The following RANBP9 variants were observed in gnomAD, a reference collection of about 807,000 sequenced individuals.
RANBP9 encodes the protein RAN binding protein 9, also known as ran-binding protein 9.
RANBP9 carries 15 observed loss-of-function variants against 84.3 expected under a neutral mutation model. The observed-to-expected ratio is 0.18, with a 90% confidence interval of 0.12 to 0.27. The LOEUF is 0.27. Ranked by LOEUF, RANBP9 falls within the 10% of genes least tolerant of loss-of-function variation. RANBP9 has a pLI of 1.00. For synonymous variants in RANBP9, 392 were observed against 349.6 expected (o/e 1.12, Z -1.35); for missense variants, 809 against 912.8 (o/e 0.89, Z 1.46).
chr6:13,623,030 A>C (rs1764498305), intron 13 of RANBP9, among the ~76,000 whole-genome samples: 1 of 152,192 alleles, frequency 6.6e-6, no homozygotes, highest in Non-Finnish European at 1.5e-5. Context: ...AACATACAGC[A>C]GAGCCACCCC....
At chr6:13,623,410 GAA>G (rs1764513342) in intron 13 of RANBP9, among the ~76,000 whole-genome samples, 2 of 152,128 alleles carry the variant, frequency 1.3e-5, no homozygotes, top group Admixed American at 6.5e-5. Context: ...GTGGAAGAAA[GAA>G]GAGGAAATTT....
At chr6:13,632,007 C>T (rs866552385) in intron 12 of RANBP9, among the ~76,000 whole-genome samples, 14 of 151,974 alleles carry the variant, frequency 9.2e-5, no homozygotes, top group Admixed American at 8.5e-4. Context: ...TTTATCTGCA[C>T]GCCCACATTG....
chr6:13,639,584 CT>C lies in RANBP9; in HGVS notation c.1503del (p.Gly502GlufsTer16). 6.2e-7 allele frequency: 1 copy of C among 1,610,958 alleles called. No individual in the cohort carries two copies. The highest frequency in any genetic ancestry group is 8.5e-7 in the Non-Finnish European group (1 of 1,177,138). On this transcript the variant is annotated frameshift_variant, in exon 9 of 14. Coordinates refer to ENST00000011619, the MANE Select transcript of RANBP9 (RefSeq NM_005493.3). LOFTEE classifies it high-confidence loss of function. ...GMNIHNLASG[K>X]GSTAHFSGFE... Reference sequence around the variant, plus strand: ...TCACCTGAAAAATGTGCGGTGCTTCCTTTGCCTGATGCTAAATTGTGGATAT... The same window carrying C: ...TCACCTGAAAAATGTGCGGTGCTTCCTTGCCTGATGCTAAATTGTGGATAT...
intron 4 of RANBP9, 127 bp downstream of exon 4, chr6:13,656,982 A>C (rs1429828016): frequency 6.6e-6 from 6 of 905,822 alleles, no homozygotes; most frequent in Non-Finnish European, 9.6e-6. Flanking sequence ...GTCTGGGAAA[A>C]AGAAAGAAAC....
At chr6:13,682,055 T>C (rs1766053012) in intron 2 of RANBP9, among the ~76,000 whole-genome samples, 1 of 152,028 alleles carries the variant, frequency 6.6e-6, no homozygotes, top group Admixed American at 6.6e-5. Flanking sequence ...AGAGATGGGG[T>C]TTCGCCACAT....
chr6:13,679,649 T>C (rs1765982922), intron 2 of RANBP9, among the ~76,000 whole-genome samples: 2 of 152,278 alleles, frequency 1.3e-5, no homozygotes, highest in South Asian at 4.1e-4. Flanking sequence ...TAAAATCTTG[T>C]TTTTCAACAT....
In RANBP9 at chr6:13,644,686, A is replaced by T. The variant is rs1765143092; in HGVS notation, c.971T>A (p.Val324Glu). The T allele has an allele frequency of 6.2e-7, 1 of 1,612,868 alleles. No homozygotes were observed. Among genetic ancestry groups the T allele is most frequent in the Non-Finnish European group, 8.5e-7 (1 of 1,179,440 alleles). ...ATGTTGCCCAAAATTGGCATCGACCACTTCTCCTGGTGTTTGAAGCCCCAC... is the reference window on the plus strand; with the variant it reads ...ATGTTGCCCAAAATTGGCATCGACCTCTTCTCCTGGTGTTTGAAGCCCCAC... ...PTVGLQTPGEVVDANFGQHPF... is the reference protein window; with the variant it reads ...PTVGLQTPGEEVDANFGQHPF... Residue 324 changes from valine (V) to glutamate (E), a missense_variant, in exon 6 of 14, where the codon GTG becomes GAG. By Grantham distance (121) the Val-to-Glu change is moderately radical (BLOSUM62 -2). Coordinates refer to ENST00000011619, the MANE Select transcript of RANBP9 (RefSeq NM_005493.3).
At chr6:13,677,085 G>A (rs1483897617) in intron 2 of RANBP9, among the ~76,000 whole-genome samples, 2 of 152,098 alleles carry the variant, frequency 1.3e-5, no homozygotes, top group African/African-American at 4.8e-5. Context: ...TTTTGTAGCT[G>A]AAAAGATTGT....
At position 13,711,191 on chromosome 6, in the gene RANBP9, G is replaced by C; in HGVS notation, c.315C>G (p.Pro105=). 1 of 1,255,306 alleles carries C rather than the reference G, an allele frequency of 8.0e-7. No homozygotes were observed. Among genetic ancestry groups the C allele is most frequent in the East Asian group, 3.2e-5 (1 of 30,924 alleles). 77.8% of individuals were successfully genotyped at this position (1,255,306 alleles called of 1,614,324 possible). The change falls in exon 1 of 14, where the codon CCC becomes CCG. Residue 105 remains proline, a synonymous_variant. Transcript: ENST00000011619. ...AAAPASGPPA[P]PGLAAGPGPA... is the part of the protein sequence containing the mutation. Reference sequence around the variant, plus strand: ...GGCCGGGGCCCGCTGCAAGGCCCGGGGGAGCGGGCGGCCCGCTGGCGGGGG... The same window carrying C: ...GGCCGGGGCCCGCTGCAAGGCCCGGCGGAGCGGGCGGCCCGCTGGCGGGGG...
At chr6:13,663,827 C>G (rs1343318127) in intron 2 of RANBP9, among the ~76,000 whole-genome samples, 1 of 152,022 alleles carries the variant, frequency 6.6e-6, no homozygotes, top group African/African-American at 2.4e-5. Context: ...AGTGAAAACA[C>G]CTGATACAAT....
At chr6:13,692,954 G>C (rs1431977214) in intron 2 of RANBP9, among the ~76,000 whole-genome samples, 1 of 152,204 alleles carries the variant, frequency 6.6e-6, no homozygotes, top group Non-Finnish European at 1.5e-5. Context: ...CCAGCTATAA[G>C]TTAAGTACTG....
At chr6:13,634,200 C>T (rs1338801918) in intron 11 of RANBP9, among the ~76,000 whole-genome samples, 1 of 152,156 alleles carries the variant, frequency 6.6e-6, no homozygotes, top group Non-Finnish European at 1.5e-5. Flanking sequence ...CAGCGCTAAA[C>T]CTGAGCCTAA....
At position 13,666,146 on chromosome 6, in the gene RANBP9, A is replaced by G. The variant is rs138309335; in HGVS notation, c.684-7314T>C. ...GTACCACACACACACACACAAAAAG[A>G]GAAGTAAGCTGACATCAAACTCTAG... On this transcript the variant is annotated intron_variant, in intron 2 of 13. Coordinates refer to ENST00000011619, the MANE Select transcript of RANBP9 (RefSeq NM_005493.3). Among the ~76,000 whole-genome samples the G allele has an allele frequency of 2.7e-3, 408 of 152,286 alleles. 2 individuals carry two copies. Among genetic ancestry groups the G allele is most frequent in the African/African-American group, 9.5e-3 (397 of 41,572 alleles).
At chr6:13,640,328 T>C (rs889491334) in intron 8 of RANBP9, among the ~76,000 whole-genome samples, 2 of 152,038 alleles carry the variant, frequency 1.3e-5, no homozygotes, top group East Asian at 3.8e-4. Flanking sequence ...CCAATTAAAA[T>C]TGTCAAATCA....
rs181166604 is a variant in RANBP9 at position 13,627,844 on chromosome 6, G to A, written c.1948-2080C>T. On this transcript the variant is annotated intron_variant, in intron 12 of 13. Transcript: ENST00000011619. Reference sequence around the variant, plus strand: ...ATAGCCTACATCCTAACACACCACCGAAAATGTGAAATGTCGCACTCCCAA... The same window carrying A: ...ATAGCCTACATCCTAACACACCACCAAAAATGTGAAATGTCGCACTCCCAA... 3.6e-3 allele frequency among the ~76,000 whole-genome samples: 541 copies of A among 151,848 alleles called. 1 individual carries two copies. Among genetic ancestry groups the A allele is most frequent in the African/African-American group, 0.012 (502 of 41,414 alleles).
Position 13,657,050 on chromosome 6 carries a change from C to T in RANBP9, c.904+59G>A. 1.4e-6 allele frequency: 2 copies of T among 1,415,820 alleles called. 1 individual carries two copies. Among genetic ancestry groups the T allele is most frequent in the Admixed American group, 4.1e-5 (2 of 48,508 alleles). 87.7% of individuals were successfully genotyped at this position (1,415,820 alleles called of 1,614,324 possible). ...TCACATAATAAATACAACTACCATC[C>T]TGGAAGTATAATAATCTCCATATTT... On this transcript the variant is annotated intron_variant, in intron 4 of 13. Coordinates refer to ENST00000011619, the MANE Select transcript of RANBP9 (RefSeq NM_005493.3).
chr6:13,696,180 C>G (rs1192800633), intron 2 of RANBP9, among the ~76,000 whole-genome samples: 1 of 152,032 alleles, frequency 6.6e-6, no homozygotes, highest in Non-Finnish European at 1.5e-5. Flanking sequence ...TGGGGTAAGG[C>G]CCAAAAATTA....
chr6:13,658,180 TA>T (rs1584927330), intron 3 of RANBP9, among the ~76,000 whole-genome samples: 1 of 152,166 alleles, frequency 6.6e-6, no homozygotes, highest in East Asian at 1.9e-4. Context: ...GTAGCCAATA[TA>T]ACTAGCCACA....
intron 4 of RANBP9, among the ~76,000 whole-genome samples, chr6:13,653,438 G>A (rs1469131526): frequency 1.3e-5 from 2 of 152,238 alleles, no homozygotes; most frequent in East Asian, 3.9e-4. Flanking sequence ...AAGTATTTCT[G>A]TAGATATATT....
Sources: gnomAD v4.1 joint callset for allele counts (sites outside exome capture counted in the v4.1 genomes callset) on GRCh38, gnomAD v4.1.1 for gene constraint, MANE v1.5 for transcripts, NCBI Gene and HGNC (gene_info 2026-07-23, HGNC 2026-07-21) for gene names.